PCCA: variants seen among roughly 807,000 people sequenced by gnomAD.
PCCA encodes propionyl-CoA carboxylase alpha chain, mitochondrial.
Under a neutral mutation model 101.3 loss-of-function variants are expected in PCCA, and 74 were observed. The ratio of observed to expected loss-of-function variants is 0.73; its 90% CI spans 0.61 to 0.89. PCCA has a LOEUF of 0.89. Ranked by LOEUF, PCCA falls within the 40% of genes least tolerant of loss-of-function variation. The pLI is 0.00. For missense variants in PCCA, 891 were observed against 907.0 expected (o/e 0.98, Z 0.23); for synonymous variants, 294 against 313.6 (o/e 0.94, Z 0.66).
intron 21 of PCCA, among the ~76,000 whole-genome samples, chr13:100,456,957 C>T (rs2081783139): frequency 1.3e-5 from 2 of 152,062 alleles, no homozygotes; most frequent in South Asian, 2.1e-4. Flanking sequence ...CTCCGTTTCG[C>T]GGTCTGCTAA....
chr13:100,095,573 G>C (rs529736669), intron 1 of PCCA, among the ~76,000 whole-genome samples: 2 of 152,328 alleles, frequency 1.3e-5, no homozygotes, highest in South Asian at 4.1e-4. Context: ...GGACATTTCT[G>C]AGCATGTGGC....
chr13:100,184,837 G>A (rs896650461), intron 6 of PCCA, among the ~76,000 whole-genome samples: 1 of 152,118 alleles, frequency 6.6e-6, no homozygotes, highest in South Asian at 2.1e-4. Flanking sequence ...GACTACAAAC[G>A]TGGTGGGCTG....
chr13:100,469,584 C>G (rs1360165954), intron 21 of PCCA, among the ~76,000 whole-genome samples: 1 of 152,040 alleles, frequency 6.6e-6, no homozygotes, highest in Non-Finnish European at 1.5e-5. Flanking sequence ...CAAGACCAGC[C>G]TGGCCAACAC....
At chr13:100,294,706 T>C (rs970314091) in intron 12 of PCCA, among the ~76,000 whole-genome samples, 2 of 152,248 alleles carry the variant, frequency 1.3e-5, no homozygotes, top group African/African-American at 2.4e-5. Context: ...TTTTTAGTGC[T>C]GTTGGACTAT....
At chr13:100,150,003 C>G (rs2053092393) in intron 4 of PCCA, among the ~76,000 whole-genome samples, 1 of 152,066 alleles carries the variant, frequency 6.6e-6, no homozygotes, top group Non-Finnish European at 1.5e-5. Context: ...TTCTATTAAT[C>G]CAGAGTTTTT....
At chr13:100,459,834 C>T (rs998939699) in intron 21 of PCCA, among the ~76,000 whole-genome samples, 9 of 152,216 alleles carry the variant, frequency 5.9e-5, no homozygotes, top group African/African-American at 2.2e-4. Flanking sequence ...CCAGCAGATT[C>T]AGTTCCTGGT....
In PCCA at chr13:100,225,818, T is replaced by C. The variant is rs75937216; in HGVS notation, c.601-10024T>C. Among the ~76,000 whole-genome samples, 7 of 151,804 alleles carry C rather than the reference T, an allele frequency of 4.6e-5. No individual in the cohort carries two copies. In the East Asian group the frequency reaches 1.4e-3, roughly 29 times the overall value. ...TTTTTTTTTTCTTTGAGACGAAGAG[T>C]GTCGCTCAGTCACCCAGGCTGGAGT... On this transcript the variant is annotated intron_variant, in intron 7 of 23. Transcript: ENST00000376285.
At chr13:100,454,224 A>G (rs752524436) in intron 21 of PCCA, among the ~76,000 whole-genome samples, 11 of 152,128 alleles carry the variant, frequency 7.2e-5, no homozygotes, top group Non-Finnish European at 1.2e-4. Context: ...CCCCTAATAA[A>G]TCATAGATTC....
chr13:100,282,825 A>G (rs2064246965), intron 12 of PCCA, among the ~76,000 whole-genome samples: 1 of 152,280 alleles, frequency 6.6e-6, no homozygotes, highest in South Asian at 2.1e-4. Flanking sequence ...TACATCCCAC[A>G]GGAGGACCTC....
chr13:100,426,147 A>G (rs2079135705), intron 20 of PCCA, among the ~76,000 whole-genome samples: 1 of 152,134 alleles, frequency 6.6e-6, no homozygotes, highest in South Asian at 2.1e-4. Flanking sequence ...TCCACAGCTC[A>G]CTGATGTCCT....
At chr13:100,372,340 A>G (rs968070623) in intron 19 of PCCA, among the ~76,000 whole-genome samples, 6 of 147,440 alleles carry the variant, frequency 4.1e-5, no homozygotes, top group African/African-American at 1.5e-4. Context: ...TGACAGAGTG[A>G]GACCCTGTCT....
chr13:100,186,151 G>A (rs1371692462), intron 6 of PCCA, among the ~76,000 whole-genome samples: 1 of 152,164 alleles, frequency 6.6e-6, no homozygotes, highest in East Asian at 1.9e-4. Flanking sequence ...TAGGCAATCA[G>A]TGTCTTTGTG....
chr13:100,327,803 T>A (rs1216735985), intron 16 of PCCA, among the ~76,000 whole-genome samples: 1 of 152,264 alleles, frequency 6.6e-6, no homozygotes, highest in African/African-American at 2.4e-5. Flanking sequence ...ACAATAATGA[T>A]GTTGAACAAT....
intron 21 of PCCA, among the ~76,000 whole-genome samples, chr13:100,475,810 T>A (rs1473306106): frequency 6.6e-6 from 1 of 152,218 alleles, no homozygotes; most frequent in African/African-American, 2.4e-5. Context: ...ACACTCGTTA[T>A]TGTCTTTTTT....
At chr13:100,316,717 C>T (rs1186993426) in intron 16 of PCCA, among the ~76,000 whole-genome samples, 1 of 151,858 alleles carries the variant, frequency 6.6e-6, no homozygotes, top group Non-Finnish European at 1.5e-5. Flanking sequence ...CAGCAGTAGG[C>T]TATAAACATG....
intron 19 of PCCA, among the ~76,000 whole-genome samples, chr13:100,401,715 A>C (rs1283193921): frequency 2.6e-5 from 4 of 152,066 alleles, no homozygotes; most frequent in African/African-American, 7.2e-5. Flanking sequence ...GGTAAGTGCT[A>C]CCAAAACCAA....
At chr13:100,102,810 A>G in intron 1 of PCCA, 73 bp from the exon 2 acceptor site, 1 of 982,788 alleles carries the variant, frequency 1.0e-6, no homozygotes, top group Non-Finnish European at 1.6e-6. Flanking sequence ...ACCTAACTGG[A>G]AGAAATATCC....
chr13:100,171,992 A>C (rs976619239), intron 6 of PCCA, among the ~76,000 whole-genome samples: 5 of 150,664 alleles, frequency 3.3e-5, no homozygotes, highest in Admixed American at 6.6e-5. Flanking sequence ...AGTTCTCGCC[A>C]CTGCATTCCA....
At chr13:100,178,660 G>A (rs2056460179) in intron 6 of PCCA, among the ~76,000 whole-genome samples, 1 of 152,176 alleles carries the variant, frequency 6.6e-6, no homozygotes, top group South Asian at 2.1e-4. Flanking sequence ...TTTGCGGAGG[G>A]TGGGGACGGA....
Sources: allele counts gnomAD v4.1 joint callset (sites outside exome capture counted in the v4.1 genomes callset), GRCh38; gene constraint gnomAD v4.1.1; transcripts MANE v1.5; gene names NCBI Gene and HGNC (gene_info 2026-07-23, HGNC 2026-07-21).